SETBP1: variants seen among roughly 807,000 people sequenced by gnomAD.
SETBP1 encodes the protein SET binding protein 1.
In SETBP1, 9 loss-of-function variants were observed where a neutral mutation model predicts 101.0. That is an observed-to-expected ratio of 0.09 (90% CI 0.05 to 0.16). The LOEUF (loss-of-function observed/expected upper bound fraction) is 0.16. Among genes scored for constraint, SETBP1 ranks in the 10% least tolerant of loss-of-function variants. SETBP1 has a pLI of 1.00. For synonymous variants in SETBP1, 818 were observed against 788.5 expected (o/e 1.04, Z -0.63); for missense variants, 1,858 against 2,033.8 (o/e 0.91, Z 1.66).
intron 3 of SETBP1, among the ~76,000 whole-genome samples, chr18:44,886,481 T>A (rs961462931): frequency 3.9e-5 from 6 of 152,170 alleles, no homozygotes; most frequent in Non-Finnish European, 7.4e-5. Context: ...TCTTCTTATT[T>A]TTTTGATTAG....
intron 3 of SETBP1, among the ~76,000 whole-genome samples, chr18:44,911,692 G>A (rs1353375269): frequency 1.3e-5 from 2 of 152,100 alleles, no homozygotes; most frequent in Non-Finnish European, 2.9e-5. Context: ...CCTCACCCAG[G>A]GAGCCCTCTG....
chr18:44,780,057 G>C (rs1252213464), intron 2 of SETBP1, among the ~76,000 whole-genome samples: 1 of 152,122 alleles, frequency 6.6e-6, no homozygotes, highest in African/African-American at 2.4e-5. Flanking sequence ...GTTTGGGAGT[G>C]GGAACTCACA....
chr18:44,951,574 C>A lies in SETBP1; in HGVS notation c.2234C>A (p.Ala745Asp). ...CCCCCATCCGAAGAACCCAAAACAG[C>A]CATCAAGCACCCCAGGCCTGTTTCT... ...LPPPSEEPKT[A>D]IKHPRPVSSQ... Residue 745 changes from alanine (A) to aspartate (D), a missense_variant, in exon 4 of 6, where the codon GCC becomes GAC. This residue lies in a region of SETBP1 where 121 missense variants were observed against 138.0 expected (regional missense o/e 0.88). Coordinates refer to ENST00000649279, the MANE Select transcript of SETBP1 (RefSeq NM_015559.3). The surrounding 1 kb of genome is among the most constrained non-coding windows in gnomAD (Gnocchi z 7.8). The A allele has an allele frequency of 1.2e-6, 2 of 1,614,164 alleles. No individual in the cohort carries two copies. The highest frequency in any genetic ancestry group is 4.5e-5 in the East Asian group (2 of 44,858).
chr18:44,820,930 T>C (rs1166005644), intron 2 of SETBP1, among the ~76,000 whole-genome samples: 1 of 152,222 alleles, frequency 6.6e-6, no homozygotes, highest in Non-Finnish European at 1.5e-5. Context: ...GTATACTTGG[T>C]AGCTTGGGAG....
At chr18:44,768,095 A>T (rs1031566364) in intron 2 of SETBP1, among the ~76,000 whole-genome samples, 2 of 152,324 alleles carry the variant, frequency 1.3e-5, no homozygotes, top group Admixed American at 1.3e-4. Flanking sequence ...TCTGTATAGG[A>T]GCACAGTAGG....
intron 2 of SETBP1, among the ~76,000 whole-genome samples, chr18:44,803,394 G>T (rs970368493): frequency 6.6e-6 from 1 of 152,020 alleles, no homozygotes; most frequent in East Asian, 1.9e-4. Flanking sequence ...GAGTTACATC[G>T]GAGCTAAATA....
intron 2 of SETBP1, among the ~76,000 whole-genome samples, chr18:44,774,162 G>T (rs1373596142): frequency 1.3e-5 from 2 of 152,146 alleles, no homozygotes; most frequent in African/African-American, 4.8e-5. Context: ...TGACTTTGAA[G>T]ATTTTAATCT....
At chr18:44,957,552 T>C (rs1391587531) in intron 4 of SETBP1, among the ~76,000 whole-genome samples, 5 of 152,172 alleles carry the variant, frequency 3.3e-5, no homozygotes, top group Non-Finnish European at 7.3e-5. Flanking sequence ...TTCTGCCATG[T>C]AGGTAGCTGG....
intron 2 of SETBP1, among the ~76,000 whole-genome samples, chr18:44,794,462 G>A (rs188434645): frequency 3.5e-4 from 53 of 152,302 alleles, no homozygotes; most frequent in Admixed American, 2.6e-4. Context: ...AGATATGGTC[G>A]TGTACAAAAC....
At chr18:44,733,937 G>A (rs997470150) in intron 2 of SETBP1, among the ~76,000 whole-genome samples, 4 of 152,142 alleles carry the variant, frequency 2.6e-5, no homozygotes, top group African/African-American at 9.7e-5. Context: ...CTGAGACCCT[G>A]AGGGCATTCA....
chr18:44,757,850 T>C (rs1181665473), intron 2 of SETBP1, among the ~76,000 whole-genome samples: 4 of 141,936 alleles, frequency 2.8e-5, no homozygotes, highest in Non-Finnish European at 6.3e-5. Flanking sequence ...CAAGTAACAT[T>C]AATTTGTTGC....
At chr18:44,859,388 C>T (rs539171390) in intron 2 of SETBP1, among the ~76,000 whole-genome samples, 1 of 152,204 alleles carries the variant, frequency 6.6e-6, no homozygotes, top group South Asian at 2.1e-4. Context: ...GACCAGGCTG[C>T]CTCCCTGGCA....
intron 2 of SETBP1, among the ~76,000 whole-genome samples, chr18:44,797,906 C>A (rs1292210836): frequency 6.6e-6 from 1 of 152,130 alleles, no homozygotes; most frequent in Non-Finnish European, 1.5e-5. Flanking sequence ...CCATCCTGTT[C>A]CGGAAGATAA....
intron 3 of SETBP1, chr18:44,877,467 G>T (rs2069433106): frequency 1.3e-6 from 1 of 761,424 alleles, no homozygotes; most frequent in South Asian, 6.0e-5. Flanking sequence ...TTTGTAATAG[G>T]AATAATGTTC....
chr18:44,950,540 C>T lies in SETBP1; in HGVS notation c.1200C>T (p.Val400=), dbSNP rs372407089. 1 of 1,614,078 alleles carries T rather than the reference C, an allele frequency of 6.2e-7. No homozygotes were observed. The change falls in exon 4 of 6, where the codon GTC becomes GTT. Residue 400 remains valine (V), a synonymous_variant. Coordinates refer to ENST00000649279, the MANE Select transcript of SETBP1 (RefSeq NM_015559.3). Reference sequence around the variant, plus strand: ...ATCCTGAAAATGACTCAAGTCATGTCCGGATTACTATCCCCATCAAGGCAC... The same window carrying T: ...ATCCTGAAAATGACTCAAGTCATGTTCGGATTACTATCCCCATCAAGGCAC... ...ASNPENDSSH[V]RITIPIKAPS... is the part of the protein sequence containing the mutation.
At chr18:45,062,929 G>T in intron 5 of SETBP1, 150 bp from the exon 6 acceptor site, 1 of 925,934 alleles carries the variant, frequency 1.1e-6, no homozygotes, top group Non-Finnish European at 1.6e-6. Context: ...AAAGAAAAAG[G>T]AATAATGCAT....
chr18:44,836,399 AGAATGGAAAAACTG>A (rs2072495860), intron 2 of SETBP1, among the ~76,000 whole-genome samples: 1 of 152,184 alleles, frequency 6.6e-6, no homozygotes, highest in African/African-American at 2.4e-5. Flanking sequence ...TTAAAGCCAT[AGAATGGAAAAACTG>A]GAAGTGCCCT....
At chr18:44,927,240 A>C (rs2070725910) in intron 3 of SETBP1, among the ~76,000 whole-genome samples, 1 of 152,208 alleles carries the variant, frequency 6.6e-6, no homozygotes, top group Admixed American at 6.5e-5. Context: ...TTCTCTGATG[A>C]AGAGAGTCAG....
intron 1 of SETBP1, among the ~76,000 whole-genome samples, chr18:44,684,271 A>G (rs555519551): frequency 1.3e-5 from 2 of 152,330 alleles, no homozygotes; most frequent in East Asian, 3.9e-4. Context: ...CAAACTCTTC[A>G]TGAAGTTGCA....
Sources: allele counts gnomAD v4.1 joint callset (sites outside exome capture counted in the v4.1 genomes callset), GRCh38; gene constraint gnomAD v4.1.1; regional missense constraint gnomAD v4.1.1; non-coding constraint Gnocchi (gnomAD v3.1); transcripts MANE v1.5; gene names NCBI Gene and HGNC (gene_info 2026-07-23, HGNC 2026-07-21).